The following FRMD6 variants were observed in gnomAD, a reference collection of about 807,000 sequenced individuals.
The protein encoded by FRMD6 is FERM domain containing 6.
FRMD6 carries 37 observed loss-of-function variants against 73.2 expected under a neutral mutation model. That is an observed-to-expected ratio of 0.51 (90% CI 0.39 to 0.66). The LOEUF (loss-of-function observed/expected upper bound fraction) is 0.66. Among genes scored for constraint, FRMD6 ranks in the 30% least tolerant of loss-of-function variants. The pLI is 0.00. For synonymous variants in FRMD6, 273 were observed against 282.2 expected (o/e 0.97, Z 0.33); for missense variants, 714 against 780.5 (o/e 0.91, Z 1.02).
At chr14:51,713,063 G>A (rs1247560665) in intron 9 of FRMD6, among the ~76,000 whole-genome samples, 2 of 152,134 alleles carry the variant, frequency 1.3e-5, no homozygotes, top group Admixed American at 6.6e-5. Flanking sequence ...TTAGAGCAAC[G>A]TCTTGATTTT....
intron 2 of FRMD6, among the ~76,000 whole-genome samples, chr14:51,640,181 A>G (rs1247329357): frequency 1.3e-5 from 2 of 152,234 alleles, no homozygotes; most frequent in East Asian, 1.9e-4. Flanking sequence ...ACTGACGTCA[A>G]TGTCCTTATT....
chr14:51,526,359 C>T (rs972072101), intron 1 of FRMD6, among the ~76,000 whole-genome samples: 1 of 152,212 alleles, frequency 6.6e-6, no homozygotes, highest in Non-Finnish European at 1.5e-5. Flanking sequence ...CTGGAACCCA[C>T]TTTGATACCC....
chr14:51,604,825 A>T (rs2139826847), intron 2 of FRMD6, among the ~76,000 whole-genome samples: 1 of 152,070 alleles, frequency 6.6e-6, no homozygotes, highest in South Asian at 2.1e-4. Flanking sequence ...ACGCCTCTGT[A>T]CTCCCAACCT....
chr14:51,722,386 GGCCTTGTA>G lies in FRMD6; in HGVS notation c.1492+308_1492+315del, dbSNP rs1897676322. On this transcript the variant is annotated intron_variant, in intron 12 of 13. Coordinates refer to ENST00000344768, the MANE Select transcript of FRMD6 (RefSeq NM_001267046.2). ...CGAGAATCATATAATGTATCTGGAA[GGCCTTGTA>G]GACCCCTTCAGTCTGGCCTCCTTTT... Among the ~76,000 whole-genome samples the G allele has an allele frequency of 3.9e-5, 6 of 152,300 alleles. No individual in the cohort carries two copies. The South Asian group carries it at 1.2e-3, about 32-fold the overall frequency.
At chr14:51,418,753 C>G in the FRMD6 span, among the ~76,000 whole-genome samples, 1 of 152,244 alleles carries the variant, frequency 6.6e-6, no homozygotes, top group East Asian at 1.9e-4. Context: ...GCTTCTGTTG[C>G]CTTTTATTCA....
At chr14:51,613,235 T>C (rs934198967) in intron 2 of FRMD6, among the ~76,000 whole-genome samples, 17 of 152,160 alleles carry the variant, frequency 1.1e-4, no homozygotes, top group African/African-American at 4.1e-4. Context: ...TGGGAGGTTA[T>C]GACAATAATC....
the FRMD6 span, among the ~76,000 whole-genome samples, chr14:51,431,734 T>C: frequency 2.0e-5 from 3 of 152,216 alleles, no homozygotes; most frequent in Admixed American, 2.0e-4. Flanking sequence ...AAATTATAGA[T>C]GAATTTATGA....
chr14:51,721,720 G>GAGGA (rs1311986319), intron 11 of FRMD6, among the ~76,000 whole-genome samples: 1 of 116,166 alleles, frequency 8.6e-6, no homozygotes, highest in African/African-American at 3.3e-5. Context: ...GGAAGGAAGG[G>GAGGA]AGGGAGGAAG....
chr14:51,723,843 A>G (rs1378377108), intron 12 of FRMD6, among the ~76,000 whole-genome samples: 1 of 152,150 alleles, frequency 6.6e-6, no homozygotes, highest in African/African-American at 2.4e-5. Flanking sequence ...ATAACCATTA[A>G]ATTCGAGATT....
At position 51,704,821 on chromosome 14, in the gene FRMD6, A is replaced by G; in HGVS notation, c.444A>G (p.Arg148=). The change falls in exon 6 of 14, where the codon CGA becomes CGG. Residue 148 remains arginine, a synonymous_variant. Coordinates refer to ENST00000344768, the MANE Select transcript of FRMD6 (RefSeq NM_001267046.2). ...TTCTTCATTCTCAGTGTGTGCTCCG[A>G]GAGGAGGCCTACTTCCTGCTGGCAG... The part of the protein sequence containing the change: ...KQVLHSQCVL[R]EEAYFLLAAF... The G allele has an allele frequency of 1.9e-6, 3 of 1,613,460 alleles. No homozygotes were observed. The highest frequency in any genetic ancestry group is 2.5e-6 in the Non-Finnish European group (3 of 1,179,624).
At chr14:51,499,271 C>T (rs1049500070) in intron 1 of FRMD6, among the ~76,000 whole-genome samples, 4 of 152,220 alleles carry the variant, frequency 2.6e-5, no homozygotes, top group African/African-American at 9.6e-5. Flanking sequence ...TCTCTGTTCA[C>T]AGTTGTCACC....
intron 2 of FRMD6, among the ~76,000 whole-genome samples, chr14:51,585,863 T>C (rs1406807274): frequency 6.7e-6 from 1 of 149,378 alleles, no homozygotes; most frequent in Non-Finnish European, 1.5e-5. Context: ...TCTAGTTCCA[T>C]CCATGTTGCT....
chr14:51,704,109 A>C (rs1216079489), intron 5 of FRMD6, among the ~76,000 whole-genome samples: 1 of 152,138 alleles, frequency 6.6e-6, no homozygotes, highest in African/African-American at 2.4e-5. Context: ...CTGTAAAAAC[A>C]TAACAGTAAT....
chr14:51,680,386 A>G (rs1418869570), intron 1 of FRMD6, among the ~76,000 whole-genome samples: 29 of 152,098 alleles, frequency 1.9e-4, no homozygotes, highest in Non-Finnish European at 1.5e-5. Flanking sequence ...CCTTCATTTT[A>G]CTGTACAGTT....
intron 2 of FRMD6, among the ~76,000 whole-genome samples, chr14:51,574,453 G>C (rs1165724551): frequency 1.3e-5 from 2 of 152,108 alleles, no homozygotes; most frequent in Admixed American, 1.3e-4. Flanking sequence ...AAGAAAATGT[G>C]GTATGTATGC....
At chr14:51,486,628 A>G (rs1882766087), upstream of FRMD6, among the ~76,000 whole-genome samples, 1 of 152,256 alleles carries the variant, frequency 6.6e-6, no homozygotes, top group South Asian at 2.1e-4. Flanking sequence ...GGACACTGAT[A>G]CAATGCTAAT....
intron 1 of FRMD6, among the ~76,000 whole-genome samples, chr14:51,506,856 G>C (rs1393648192): frequency 5.3e-5 from 8 of 152,098 alleles, no homozygotes; most frequent in Admixed American, 5.2e-4. Flanking sequence ...GTGACAATAT[G>C]GATCTATAAT....
intron 1 of FRMD6, among the ~76,000 whole-genome samples, chr14:51,537,941 C>T (rs1382705872): frequency 2.0e-5 from 3 of 152,150 alleles, no homozygotes; most frequent in Admixed American, 6.5e-5. Context: ...AATATTTTCT[C>T]CCAGTCTGTG....
At chr14:51,673,840 C>T (rs560379320) in intron 1 of FRMD6, among the ~76,000 whole-genome samples, 1 of 152,264 alleles carries the variant, frequency 6.6e-6, no homozygotes. Flanking sequence ...GTAGATTGTC[C>T]AGAGTTTGTG....
Sources: gnomAD v4.1 joint callset for allele counts (sites outside exome capture counted in the v4.1 genomes callset) on GRCh38, gnomAD v4.1.1 for gene constraint, MANE v1.5 for transcripts, NCBI Gene and HGNC (gene_info 2026-07-23, HGNC 2026-07-21) for gene names.